Variants in VPS13D observed in about 807,000 individuals in gnomAD.
VPS13D encodes the protein intermembrane lipid transfer protein VPS13D.
A neutral mutation model predicts 461.9 loss-of-function variants in VPS13D; 187 were observed. That is an observed-to-expected ratio of 0.40 (90% confidence interval 0.36 to 0.46). VPS13D has a LOEUF of 0.46. VPS13D is among the 20% of genes least tolerant of loss of function. The pLI is 0.60. For missense variants in VPS13D, 4,711 were observed against 5,364.9 expected (o/e 0.88, Z 3.81); for synonymous variants, 1,951 against 1,986.3 (o/e 0.98, Z 0.47).
intron 37 of VPS13D, among the ~76,000 whole-genome samples, 200 bp downstream of exon 37, chr1:12,330,118 T>C (rs1286213511): frequency 6.6e-6 from 1 of 152,136 alleles, no homozygotes; most frequent in Non-Finnish European, 1.5e-5. Flanking sequence ...ATGTTGCAAC[T>C]AAAAAGATGT....
chr1:12,274,242 C>T lies in VPS13D; in HGVS notation c.2236+1107C>T, dbSNP rs185155970. ...CTTTAGTAGGGATGGGGTTTCTCCA[C>T]GTTGGCCAGTCTGGTCTCAACTCCT... On this transcript the variant is annotated intron_variant, in intron 18 of 69. Transcript: ENST00000620676. Among the ~76,000 whole-genome samples, 192 of 152,246 alleles carry T rather than the reference C, an allele frequency of 1.3e-3. 1 individual carries two copies. In the Middle Eastern group the frequency reaches 0.024, roughly 19 times the overall value.
intron 67 of VPS13D, among the ~76,000 whole-genome samples, chr1:12,490,726 A>G (rs1174982101): frequency 1.3e-5 from 2 of 151,414 alleles, no homozygotes; most frequent in African/African-American, 4.9e-5. Flanking sequence ...TGGGAGCTAC[A>G]GGTCCAAGAT....
intron 65 of VPS13D, among the ~76,000 whole-genome samples, chr1:12,439,317 C>A (rs191304769): frequency 1.3e-5 from 2 of 152,206 alleles, no homozygotes; most frequent in East Asian, 3.9e-4. Flanking sequence ...AACGTCCACT[C>A]CAAGGTCTCT....
intron 21 of VPS13D, among the ~76,000 whole-genome samples, chr1:12,287,873 G>A (rs188884188): frequency 6.6e-6 from 1 of 152,260 alleles, no homozygotes; most frequent in Admixed American, 6.5e-5. Context: ...ATCAAAATGA[G>A]ATTTAATGGA....
At chr1:12,255,142 C>T (rs537582228) in intron 7 of VPS13D, among the ~76,000 whole-genome samples, 10 of 152,036 alleles carry the variant, frequency 6.6e-5, no homozygotes, top group South Asian at 4.2e-4. Flanking sequence ...GACGAGGTTT[C>T]GCCATGTTGG....
intron 25 of VPS13D, among the ~76,000 whole-genome samples, 162 bp from the exon 26 acceptor site, chr1:12,304,344 G>A (rs922533437): frequency 1.3e-5 from 2 of 152,186 alleles, no homozygotes; most frequent in African/African-American, 4.8e-5. Flanking sequence ...GTAGCCTCTT[G>A]TTTATGGGAT....
At chr1:12,306,540 G>A (rs1477791773) in intron 26 of VPS13D, among the ~76,000 whole-genome samples, 1 of 152,186 alleles carries the variant, frequency 6.6e-6, no homozygotes, top group Non-Finnish European at 1.5e-5. Context: ...GATTTGGGAT[G>A]TTTTATAGAA....
intron 60 of VPS13D, among the ~76,000 whole-genome samples, chr1:12,396,578 C>T (rs193089743): frequency 4.3e-4 from 66 of 152,246 alleles, no homozygotes; most frequent in African/African-American, 1.6e-3. Flanking sequence ...TCCAAAGCCC[C>T]AGACTGTGGT....
chr1:12,233,722 G>C (rs1640058322), intron 1 of VPS13D, among the ~76,000 whole-genome samples: 1 of 152,124 alleles, frequency 6.6e-6, no homozygotes, highest in South Asian at 2.1e-4. Context: ...TTACTGATGG[G>C]GACATCTTAC....
rs1358838130 is a variant in VPS13D at position 12,506,966 on chromosome 1, A to G, written c.12908A>G (p.Lys4303Arg). 2.5e-6 allele frequency: 4 copies of G among 1,614,270 alleles called. No individual in the cohort carries two copies. The highest frequency in any genetic ancestry group is 1.1e-5 in the South Asian group (1 of 91,086). The change falls in exon 69 of 70, where the codon AAA becomes AGA. Residue 4303 changes from lysine (K) to arginine (R), a missense_variant. Lys to Arg is a conservative substitution (Grantham distance 26). This residue lies in a region of VPS13D where 194 missense variants were observed against 220.9 expected (regional missense o/e 0.88). Coordinates refer to ENST00000620676, the MANE Select transcript of VPS13D (RefSeq NM_015378.4). ...VDREAIFLEV[K>R]YDDLYHCLVS... ...CGAGAAGCCATTTTCCTAGAAGTCA[A>G]ATACGATGACCTCTACCACTGCCTT...
intron 35 of VPS13D, among the ~76,000 whole-genome samples, chr1:12,326,342 T>A (rs1195325110): frequency 3.5e-5 from 5 of 143,896 alleles, no homozygotes; most frequent in Non-Finnish European, 7.5e-5. Context: ...TTTTTTTTTT[T>A]AATTTTAGAT....
At chr1:12,414,557 G>A (rs1644771344) in intron 63 of VPS13D, among the ~76,000 whole-genome samples, 2 of 152,162 alleles carry the variant, frequency 1.3e-5, no homozygotes, top group African/African-American at 4.8e-5. Context: ...GTTTAAAGCA[G>A]AAGAACTTAC....
At position 12,293,638 on chromosome 1, in the gene VPS13D, C is replaced by T. The variant is rs1178790625; in HGVS notation, c.5967C>T (p.Phe1989=). The T allele has an allele frequency of 8.1e-6, 13 of 1,614,194 alleles. No individual in the cohort carries two copies. The highest frequency in any genetic ancestry group is 6.7e-5 in the East Asian group (3 of 44,894). Residue 1989 remains phenylalanine, a synonymous_variant, in exon 24 of 70, where the codon TTC becomes TTT. Coordinates refer to ENST00000620676, the MANE Select transcript of VPS13D (RefSeq NM_015378.4). The stretch of plus-strand genomic sequence containing the variant: ...GTTTCCAGGCAGAGGTGGTGGCCTT[C>T]ATTCAGCATTTCACTCAGCTGCAGG... The part of the protein sequence containing the change: ...TQRFQAEVVA[F]IQHFTQLQDV...
chr1:12,423,053 G>A (rs780149110), intron 65 of VPS13D, among the ~76,000 whole-genome samples: 3 of 152,076 alleles, frequency 2.0e-5, no homozygotes, highest in African/African-American at 4.8e-5. Flanking sequence ...GGTGCCCACC[G>A]TCATTCTCGT....
chr1:12,268,224 A>G lies in VPS13D; in HGVS notation c.1801+304A>G, dbSNP rs569076632. ...CTTGGCCTCCCAAAGTGCTGGGATT[A>G]CAAGTGTGAGCCACCATGCCTGAGC... is the stretch of plus-strand genomic sequence containing the variant. On this transcript the variant is annotated intron_variant, in intron 15 of 69. Coordinates refer to ENST00000620676, the MANE Select transcript of VPS13D (RefSeq NM_015378.4). Among the ~76,000 whole-genome samples the G allele has an allele frequency of 4.1e-5, 6 of 147,932 alleles. No individual in the cohort carries two copies. The East Asian group carries it at 9.8e-4, about 24-fold the overall frequency.
At chr1:12,368,639 G>C in intron 53 of VPS13D, 48 bp downstream of exon 53, 17 of 1,590,108 alleles carry the variant, frequency 1.1e-5, no homozygotes, top group Non-Finnish European at 1.5e-5. Context: ...TGTGTGGGAG[G>C]GTGGAGTGTG....
rs1262199892 is a variant in VPS13D at position 12,379,277 on chromosome 1, TC to T, written c.11082-207del. 2.0e-5 allele frequency among the ~76,000 whole-genome samples: 3 copies of T among 152,220 alleles called. No individual in the cohort carries two copies. In the East Asian group the frequency reaches 5.8e-4, roughly 29 times the overall value. On this transcript the variant is annotated intron_variant, in intron 56 of 69. Coordinates refer to ENST00000620676, the MANE Select transcript of VPS13D (RefSeq NM_015378.4). Reference sequence around the variant, plus strand: ...GAAATCTTTAATGTCTTACTTTGTGTCCCCTCTTCATGTTTTTCCATTTTGC... The same window carrying T: ...GAAATCTTTAATGTCTTACTTTGTGTCCCTCTTCATGTTTTTCCATTTTGC...
At chr1:12,375,753 C>T (rs1055064312) in intron 55 of VPS13D, among the ~76,000 whole-genome samples, 3 of 152,248 alleles carry the variant, frequency 2.0e-5, no homozygotes, top group Non-Finnish European at 2.9e-5. Flanking sequence ...AACCTCCCAA[C>T]TTGGCTTCAG....
At chr1:12,388,195 T>C (rs114321594) in intron 60 of VPS13D, among the ~76,000 whole-genome samples, 1,627 of 152,324 alleles carry the variant, frequency 0.011, 28 homozygotes, top group African/African-American at 0.037. Context: ...CACTTGAATG[T>C]AGAATTATAA....
Sources: allele counts gnomAD v4.1 joint callset (sites outside exome capture counted in the v4.1 genomes callset), GRCh38; gene constraint gnomAD v4.1.1; regional missense constraint gnomAD v4.1.1; transcripts MANE v1.5; gene names NCBI Gene and HGNC (gene_info 2026-07-23, HGNC 2026-07-21).